FUT9: variants seen among roughly 807,000 people sequenced by gnomAD.
FUT9 encodes the protein fucosyltransferase 9, also known as 4-galactosyl-N-acetylglucosaminide 3-alpha-L-fucosyltransferase 9.
Under a neutral mutation model 29.7 loss-of-function variants are expected in FUT9, and 15 were observed. The ratio of observed to expected loss-of-function variants is 0.51; its 90% confidence interval spans 0.34 to 0.78. FUT9 has a LOEUF of 0.78. Ranked by LOEUF, FUT9 falls within the 30% of genes least tolerant of loss-of-function variation. The pLI, the probability that FUT9 is intolerant of heterozygous loss-of-function variation, is 0.01. For synonymous variants in FUT9, 169 were observed against 153.7 expected (o/e 1.10, Z -0.74); for missense variants, 319 against 425.4 (o/e 0.75, Z 2.20).
chr6:96,151,527 T>C (rs1190441108), intron 2 of FUT9, among the ~76,000 whole-genome samples: 1 of 152,204 alleles, frequency 6.6e-6, no homozygotes, highest in Non-Finnish European at 1.5e-5. Flanking sequence ...GAGACATCAG[T>C]TCTGCCTTCC....
chr6:96,133,565 A>G (rs890735162), intron 2 of FUT9, among the ~76,000 whole-genome samples: 1 of 151,920 alleles, frequency 6.6e-6, no homozygotes, highest in African/African-American at 2.4e-5. Flanking sequence ...CCACATTCTC[A>G]TCTATAAAAT....
chr6:96,159,496 T>C (rs1408300320), intron 2 of FUT9, among the ~76,000 whole-genome samples: 1 of 152,176 alleles, frequency 6.6e-6, no homozygotes, highest in African/African-American at 2.4e-5. Flanking sequence ...TAGACCTAGA[T>C]GTCTGTAAAA....
chr6:96,045,267 G>A (rs2224951), intron 1 of FUT9, among the ~76,000 whole-genome samples: 96,889 of 152,076 alleles, frequency 0.64, 31,148 homozygotes, highest in African/African-American at 0.72. Context: ...GCAACAATCA[G>A]ACCAGAAGAA....
At chr6:96,133,829 T>C in intron 2 of FUT9, among the ~76,000 whole-genome samples, 1 of 152,114 alleles carries the variant, frequency 6.6e-6, no homozygotes, top group Non-Finnish European at 1.5e-5. Context: ...TAATAAATTT[T>C]GCTTTTTATC....
At chr6:96,144,806 A>G (rs999177124) in intron 2 of FUT9, among the ~76,000 whole-genome samples, 1 of 152,178 alleles carries the variant, frequency 6.6e-6, no homozygotes, top group Non-Finnish European at 1.5e-5. Flanking sequence ...GAATCTAAAG[A>G]AAAAACAACA....
intron 2 of FUT9, among the ~76,000 whole-genome samples, chr6:96,193,133 A>T (rs1383878750): frequency 1.4e-5 from 2 of 148,058 alleles, no homozygotes; most frequent in Non-Finnish European, 3.0e-5. Flanking sequence ...CATTCAGGAC[A>T]TAGGCATGGG....
intron 2 of FUT9, among the ~76,000 whole-genome samples, chr6:96,189,728 C>G (rs1157006848): frequency 6.6e-6 from 1 of 152,052 alleles, no homozygotes; most frequent in Non-Finnish European, 1.5e-5. Flanking sequence ...AGGATTGCAA[C>G]CCCTGCCTTT....
intron 1 of FUT9, among the ~76,000 whole-genome samples, chr6:96,104,436 A>G (rs1771640991): frequency 6.6e-6 from 1 of 152,220 alleles, no homozygotes; most frequent in East Asian, 1.9e-4. Flanking sequence ...TTTGCCATAC[A>G]TGGTCCATAT....
At chr6:96,076,119 A>G (rs1256153384) in intron 1 of FUT9, among the ~76,000 whole-genome samples, 2 of 152,208 alleles carry the variant, frequency 1.3e-5, no homozygotes, top group Non-Finnish European at 2.9e-5. Flanking sequence ...CATGGAATTC[A>G]GAAATAGCCC....
At chr6:96,065,695 CA>C in intron 1 of FUT9, among the ~76,000 whole-genome samples, 1 of 152,214 alleles carries the variant, frequency 6.6e-6, no homozygotes, top group South Asian at 2.1e-4. Context: ...ACAACAGCTA[CA>C]AAACTGCTAT....
Position 96,108,459 on chromosome 6 carries a change from C to G in FUT9, c.-97-5580C>G, listed in dbSNP as rs183517130. Among the ~76,000 whole-genome samples the G allele has an allele frequency of 1.4e-3, 212 of 152,228 alleles. 1 individual carries two copies. Among genetic ancestry groups the G allele is most frequent in the Non-Finnish European group, 2.0e-3 (137 of 68,020 alleles). ...CTACTTCATAAGCTCGTTGACAGGA[C>G]TGAATGAGAACATATATGTATAGAA... On this transcript the variant is annotated intron_variant, in intron 1 of 2. Coordinates refer to ENST00000302103, the MANE Select transcript of FUT9 (RefSeq NM_006581.4).
chr6:96,107,217 T>G (rs2127959091), intron 1 of FUT9, among the ~76,000 whole-genome samples: 1 of 152,292 alleles, frequency 6.6e-6, no homozygotes, highest in South Asian at 2.1e-4. Flanking sequence ...GTCTTAAAAC[T>G]TGCATATTTT....
chr6:96,083,520 A>G (rs1771271011), intron 1 of FUT9, among the ~76,000 whole-genome samples: 1 of 152,196 alleles, frequency 6.6e-6, no homozygotes, highest in South Asian at 2.1e-4. Flanking sequence ...TCTACCTTTC[A>G]TCCAATGTTC....
At chr6:96,199,703 C>T (rs561864495) in intron 2 of FUT9, among the ~76,000 whole-genome samples, 74 of 152,172 alleles carry the variant, frequency 4.9e-4, no homozygotes, top group African/African-American at 1.7e-3. Flanking sequence ...CCATAGAGAG[C>T]TCCATGCTAA....
intron 2 of FUT9, among the ~76,000 whole-genome samples, chr6:96,191,951 C>A (rs1773519277): frequency 6.6e-6 from 1 of 152,094 alleles, no homozygotes; most frequent in South Asian, 2.1e-4. Context: ...AAGACAAAAA[C>A]CACATGATTA....
intron 1 of FUT9, among the ~76,000 whole-genome samples, chr6:96,026,888 C>T (rs1406247981): frequency 6.6e-6 from 1 of 151,576 alleles, no homozygotes; most frequent in East Asian, 1.9e-4. Context: ...TATTACTCTT[C>T]GTACTCCTAG....
chr6:96,125,379 T>A (rs1299072211), intron 2 of FUT9, among the ~76,000 whole-genome samples: 1 of 152,214 alleles, frequency 6.6e-6, no homozygotes, highest in Non-Finnish European at 1.5e-5. Context: ...AATAATTCCT[T>A]CTCTACCTTA....
At chr6:96,030,421 G>A (rs141549641) in intron 1 of FUT9, among the ~76,000 whole-genome samples, 141 of 151,624 alleles carry the variant, frequency 9.3e-4, no homozygotes, top group African/African-American at 3.2e-3. Context: ...AGATATCACT[G>A]TAGACCTATT....
intron 1 of FUT9, among the ~76,000 whole-genome samples, chr6:96,027,238 A>G (rs182045523): frequency 1.3e-5 from 2 of 151,770 alleles, no homozygotes; most frequent in Admixed American, 1.3e-4. Context: ...ACAAAATTAA[A>G]TGTAAGACTT....
Sources: allele counts gnomAD v4.1 joint callset (sites outside exome capture counted in the v4.1 genomes callset), GRCh38; gene constraint gnomAD v4.1.1; transcripts MANE v1.5; gene names NCBI Gene and HGNC (gene_info 2026-07-23, HGNC 2026-07-21).